Variants in PRKN observed in about 807,000 individuals in gnomAD.
PRKN encodes parkin RBR E3 ubiquitin protein ligase, also known as E3 ubiquitin-protein ligase parkin.
PRKN carries 56 observed loss-of-function variants against 59.5 expected under a neutral mutation model. The ratio of observed to expected loss-of-function variants is 0.94; its 90% CI spans 0.76 to 1.18. The LOEUF is 1.18. Ranked by LOEUF, PRKN falls within the 50% of genes most tolerant of loss-of-function variation. The probability of loss-of-function intolerance (pLI) is 0.00; values close to 1 mark genes in which losing one functional copy is unlikely to be tolerated. For missense variants in PRKN, 657 were observed against 596.4 expected (o/e 1.10, Z -1.06); for synonymous variants, 250 against 222.1 (o/e 1.13, Z -1.12).
chr6:161,696,984 C>T (rs1339729337), intron 7 of PRKN, among the ~76,000 whole-genome samples: 1 of 152,182 alleles, frequency 6.6e-6, no homozygotes, highest in Non-Finnish European at 1.5e-5. Context: ...ATCACATGCA[C>T]AGAGCCAGTA....
rs1011488399 is a variant in PRKN at position 161,750,091 on chromosome 6, C to T, written c.871+35681G>A. On this transcript the variant is annotated intron_variant, in intron 7 of 11. Transcript: ENST00000366898. Reference sequence around the variant, plus strand: ...ATAGGATATTAATGGATATAGCACACATAGGACATATATATATATATATAT... The same window carrying T: ...ATAGGATATTAATGGATATAGCACATATAGGACATATATATATATATATAT... 9.9e-5 allele frequency among the ~76,000 whole-genome samples: 13 copies of T among 130,966 alleles called. No homozygotes were observed. The South Asian group carries it at 1.3e-3, about 14-fold the overall frequency. 85.9% of individuals were successfully genotyped at this position (130,966 alleles called of 152,430 possible). A position where few individuals can be genotyped will look rare whatever the true frequency, so the allele number is the denominator to read the frequency against.
chr6:162,364,302 T>G (rs1354816218), intron 2 of PRKN, among the ~76,000 whole-genome samples: 1 of 152,188 alleles, frequency 6.6e-6, no homozygotes, highest in African/African-American at 2.4e-5. Flanking sequence ...ACTGTTTCCA[T>G]ACCTTGACCT....
chr6:162,014,317 G>GC (rs1782849511), intron 5 of PRKN, among the ~76,000 whole-genome samples: 2 of 152,132 alleles, frequency 1.3e-5, no homozygotes, highest in African/African-American at 4.8e-5. Context: ...AGGTTTCAGA[G>GC]CCCCCGGCCA....
chr6:161,662,999 C>T (rs117199989), intron 7 of PRKN, among the ~76,000 whole-genome samples: 1 of 152,072 alleles, frequency 6.6e-6, no homozygotes, highest in African/African-American at 2.4e-5. Flanking sequence ...GTGGGTTTTT[C>T]CCGTGCTGTT....
At chr6:162,457,668 T>C (rs1790943956) in intron 1 of PRKN, among the ~76,000 whole-genome samples, 3 of 152,194 alleles carry the variant, frequency 2.0e-5, no homozygotes, top group Admixed American at 2.0e-4. Context: ...CAAATAGCCA[T>C]TCAGTGATGC....
chr6:161,645,536 A>T lies in PRKN; in HGVS notation c.872-76120T>A, dbSNP rs6939825. Among the ~76,000 whole-genome samples the T allele has an allele frequency of 8.5e-5, 13 of 152,190 alleles. No homozygotes were observed. The South Asian group carries it at 2.7e-3, about 32-fold the overall frequency. On this transcript the variant is annotated intron_variant, in intron 7 of 11. Transcript: ENST00000366898. ...TTTATAAAATGAAAATTCTTACTAA[A>T]ATTTTTTATAGAGCATAATCCTATA... is the stretch of plus-strand genomic sequence containing the variant.
At chr6:162,650,287 T>A (rs1263168184) in intron 1 of PRKN, among the ~76,000 whole-genome samples, 1 of 152,138 alleles carries the variant, frequency 6.6e-6, no homozygotes, top group Admixed American at 6.5e-5. Context: ...TCCACAATGC[T>A]TTTGAAGCAG....
intron 9 of PRKN, among the ~76,000 whole-genome samples, chr6:161,408,760 G>C (rs2114997386): frequency 6.6e-6 from 1 of 151,692 alleles, no homozygotes; most frequent in Middle Eastern, 3.4e-3. Flanking sequence ...CCATTCATGG[G>C]CATTAAAAAA....
chr6:162,209,712 AT>A (rs1364916382), intron 3 of PRKN, among the ~76,000 whole-genome samples: 1 of 152,152 alleles, frequency 6.6e-6, no homozygotes, highest in Non-Finnish European at 1.5e-5. Flanking sequence ...CAACCCAAAT[AT>A]CCATCAATGA....
At chr6:161,844,584 T>C (rs151203742) in intron 6 of PRKN, among the ~76,000 whole-genome samples, 205 of 152,354 alleles carry the variant, frequency 1.3e-3, no homozygotes, top group African/African-American at 4.7e-3. Context: ...TTTTGTTTTA[T>C]TGAATTTTAA....
intron 4 of PRKN, among the ~76,000 whole-genome samples, chr6:162,123,737 T>C (rs1781013452): frequency 6.6e-6 from 1 of 152,198 alleles, no homozygotes; most frequent in Admixed American, 6.6e-5. Flanking sequence ...AGTTTGAGTA[T>C]GTGCAAAGCA....
intron 2 of PRKN, among the ~76,000 whole-genome samples, chr6:162,289,883 G>C (rs1437016593): frequency 6.6e-6 from 1 of 152,082 alleles, no homozygotes; most frequent in African/African-American, 2.4e-5. Flanking sequence ...GAAAGGGAAA[G>C]GAAGAACCTT....
intron 5 of PRKN, among the ~76,000 whole-genome samples, chr6:161,980,246 A>G (rs1322206786): frequency 6.6e-6 from 1 of 152,180 alleles, no homozygotes; most frequent in Non-Finnish European, 1.5e-5. Flanking sequence ...ATCTATCTTC[A>G]CAAAGAGTTA....
rs141882858 is a variant in PRKN, at chr6:162,309,251, G to C, written c.172-46486C>G. 4.2e-3 allele frequency among the ~76,000 whole-genome samples: 634 copies of C among 152,224 alleles called. 6 individuals carry two copies. Among genetic ancestry groups the C allele is most frequent in the African/African-American group, 0.015 (614 of 41,524 alleles). ...TCTCAGCTGGCTCACTGCAACCTAC[G>C]ACTCCCAGGTTCAAGCGATTCTCCT... On this transcript the variant is annotated intron_variant, in intron 2 of 11. Coordinates refer to ENST00000366898, the MANE Select transcript of PRKN (RefSeq NM_004562.3).
chr6:162,241,810 T>C (rs746908988), intron 3 of PRKN, among the ~76,000 whole-genome samples: 1 of 152,090 alleles, frequency 6.6e-6, no homozygotes, highest in Non-Finnish European at 1.5e-5. Flanking sequence ...TTCTCAATTA[T>C]ATCAGCAAAT....
chr6:162,458,349 C>T (rs1039334919), intron 1 of PRKN, among the ~76,000 whole-genome samples: 5 of 150,256 alleles, frequency 3.3e-5, no homozygotes, highest in African/African-American at 1.2e-4. Context: ...TCACTTGAAC[C>T]CAGGAAGCAG....
intron 6 of PRKN, among the ~76,000 whole-genome samples, chr6:161,841,064 C>T (rs894980927): frequency 6.6e-6 from 1 of 152,220 alleles, no homozygotes; most frequent in Non-Finnish European, 1.5e-5. Context: ...AATCCCATTA[C>T]TGTGTGTATA....
At chr6:161,760,652 T>C (rs4709552) in intron 7 of PRKN, among the ~76,000 whole-genome samples, 131,912 of 152,104 alleles carry the variant, frequency 0.87, 57,449 homozygotes, top group East Asian at 0.97. Context: ...ACCCACCCTT[T>C]AAATTGTCTT....
At chr6:162,019,261 A>G (rs1783042534) in intron 5 of PRKN, among the ~76,000 whole-genome samples, 1 of 152,160 alleles carries the variant, frequency 6.6e-6, no homozygotes, top group Non-Finnish European at 1.5e-5. Flanking sequence ...TCACCTTTCC[A>G]TTGGGCCCTG....
Sources: gnomAD v4.1 joint callset for allele counts (sites outside exome capture counted in the v4.1 genomes callset) on GRCh38, gnomAD v4.1.1 for gene constraint, MANE v1.5 for transcripts, NCBI Gene and HGNC (gene_info 2026-07-23, HGNC 2026-07-21) for gene names.